Variants in WDR59 observed in about 807,000 individuals in gnomAD.
WDR59 encodes WD repeat domain 59.
WDR59 carries 100 observed loss-of-function variants against 131.2 expected under a neutral mutation model. That is an observed-to-expected ratio of 0.76 (90% CI 0.65 to 0.90). WDR59 has a LOEUF of 0.90. Ranked by LOEUF, WDR59 falls within the 40% of genes least tolerant of loss-of-function variation. WDR59 has a pLI of 0.00. For missense variants in WDR59, 1,203 were observed against 1,262.2 expected (o/e 0.95, Z 0.71); for synonymous variants, 601 against 466.2 (o/e 1.29, Z -3.72).
At chr16:74,908,685 T>C (rs1011680714) in intron 17 of WDR59, 9 of 411,106 alleles carry the variant, frequency 2.2e-5, no homozygotes, top group South Asian at 1.9e-4. Context: ...CAATAGCTTT[T>C]ATCAAGCTAC....
chr16:74,916,144 C>A lies in WDR59; in HGVS notation c.1082G>T (p.Ser361Ile). Residue 361 changes from serine to isoleucine, a missense_variant, in exon 12 of 26, where the codon AGC becomes ATC. Transcript: ENST00000262144. ...CAAATTACCTTCTTCCTCCCCATGG[C>A]TTGCAGTGTGCTGGTGATCTGTATC... ...TEDTDHQHTA[S>I]HGEEEALKED... 2 of 1,614,198 alleles carry A rather than the reference C, an allele frequency of 1.2e-6. No homozygotes were observed. The highest frequency in any genetic ancestry group is 2.2e-5 in the South Asian group (2 of 91,086).
chr16:74,906,320 A>AAAAAAAAAAAAAAAAAAAAC (rs765077670), intron 17 of WDR59, among the ~76,000 whole-genome samples: 22 of 136,354 alleles, frequency 1.6e-4, no homozygotes, highest in African/African-American at 5.2e-4. Context: ...TCTCAAAAAA[A>AAAAAAAAAAAAAAAAAAAAC]AAAAAACCCA....
chr16:74,925,371 C>A (rs1320507985), intron 8 of WDR59, among the ~76,000 whole-genome samples: 1 of 151,918 alleles, frequency 6.6e-6, no homozygotes, highest in Non-Finnish European at 1.5e-5. Flanking sequence ...TGGCGAAACC[C>A]CATCTCTACC....
chr16:74,936,344 A>T (rs1343146831), intron 8 of WDR59, among the ~76,000 whole-genome samples: 2 of 152,008 alleles, frequency 1.3e-5, no homozygotes, highest in Non-Finnish European at 2.9e-5. Flanking sequence ...TAAAGAAAAA[A>T]TATATAAAGT....
intron 17 of WDR59, among the ~76,000 whole-genome samples, chr16:74,908,489 T>G (rs1965927736): frequency 6.6e-6 from 1 of 152,222 alleles, no homozygotes; most frequent in Non-Finnish European, 1.5e-5. Flanking sequence ...GTTTTAAAAT[T>G]ACATATTGTT....
chr16:74,977,912 T>C (rs2034250937), intron 1 of WDR59, among the ~76,000 whole-genome samples: 1 of 152,046 alleles, frequency 6.6e-6, no homozygotes, highest in African/African-American at 2.4e-5. Context: ...AGCACTAGGC[T>C]AAGCAAAAGA....
chr16:74,927,683 AACAC>A (rs61511176), intron 8 of WDR59, among the ~76,000 whole-genome samples: 18 of 118,242 alleles, frequency 1.5e-4, no homozygotes, highest in South Asian at 1.2e-3. Flanking sequence ...CTCTTTAAAA[AACAC>A]ACACACACAC....
chr16:74,908,714 A>G (rs143440972), intron 17 of WDR59, 194 bp downstream of exon 17: 27 of 521,332 alleles, frequency 5.2e-5, no homozygotes, highest in African/African-American at 5.1e-4. Context: ...ATGGTTTGGT[A>G]ATAACCATAC....
At chr16:74,876,844 G>A (rs1445748937) in intron 25 of WDR59, among the ~76,000 whole-genome samples, 1 of 151,962 alleles carries the variant, frequency 6.6e-6, no homozygotes, top group Non-Finnish European at 1.5e-5. Flanking sequence ...ACCACTTCAG[G>A]GCATACAAAG....
At chr16:74,912,840 G>A (rs574317808) in intron 13 of WDR59, among the ~76,000 whole-genome samples, 2 of 152,352 alleles carry the variant, frequency 1.3e-5, no homozygotes, top group Admixed American at 1.3e-4. Context: ...ATGGGCTGTG[G>A]CTAGCTATCT....
At chr16:74,908,502 G>C (rs1965928544) in intron 17 of WDR59, among the ~76,000 whole-genome samples, 1 of 152,186 alleles carries the variant, frequency 6.6e-6, no homozygotes, top group Admixed American at 6.5e-5. Context: ...ATATTGTTTG[G>C]TAATATTAGA....
rs531587083 is a variant in WDR59, at chr16:74,875,879, C to T, written c.2690-1435G>A. On this transcript the variant is annotated intron_variant, in intron 25 of 25. Coordinates refer to ENST00000262144, the MANE Select transcript of WDR59 (RefSeq NM_030581.4). ...AGAAATGCATCTCACTTCATACACG[C>T]GATCACCAACGGACACAACACCTAG... 1.3e-4 allele frequency among the ~76,000 whole-genome samples: 20 copies of T among 152,288 alleles called. No homozygotes were observed. In the East Asian group the frequency reaches 2.9e-3, roughly 22 times the overall value.
Position 74,888,335 on chromosome 16 carries a change from G to C in WDR59, c.2196-16C>G. 1 of 1,608,380 alleles carries C rather than the reference G, an allele frequency of 6.2e-7. No individual in the cohort carries two copies. The highest frequency in any genetic ancestry group is 8.5e-7 in the Non-Finnish European group (1 of 1,177,364). ...GTGAGCCAACCTGAGGAAAAGATAA[G>C]AGGAAAGAAAACAAGTCAGGAGGAG... On this transcript the variant is annotated splice_polypyrimidine_tract_variant and intron_variant, in intron 21 of 25. Coordinates refer to ENST00000262144, the MANE Select transcript of WDR59 (RefSeq NM_030581.4).
intron 6 of WDR59, among the ~76,000 whole-genome samples, chr16:74,944,824 C>G (rs540549921): frequency 2.5e-4 from 38 of 152,234 alleles, no homozygotes; most frequent in African/African-American, 8.9e-4. Flanking sequence ...GCAATGAGAA[C>G]AGGCAGGCTA....
intron 15 of WDR59, 80 bp downstream of exon 15, chr16:74,909,742 G>C (rs1965991405): frequency 7.6e-6 from 12 of 1,569,314 alleles, no homozygotes; most frequent in Non-Finnish European, 1.0e-5. Flanking sequence ...GACAAAACCA[G>C]AAAACCCATG....
At chr16:74,938,000 C>T in intron 8 of WDR59, 150 bp downstream of exon 8, 1 of 530,734 alleles carries the variant, frequency 1.9e-6, no homozygotes, top group Non-Finnish European at 3.2e-6. Flanking sequence ...TCAGCATAAC[C>T]AAATTTATGT....
chr16:74,945,777 C>T (rs1304554337), intron 6 of WDR59, among the ~76,000 whole-genome samples: 1 of 151,106 alleles, frequency 6.6e-6, no homozygotes, highest in African/African-American at 2.4e-5. Flanking sequence ...TACAAGGAGA[C>T]GTTCTGAGAG....
In WDR59 at chr16:74,874,335, T is replaced by C. The variant is rs201212216; in HGVS notation, c.2799A>G (p.Gly933=). 9.9e-6 allele frequency: 16 copies of C among 1,614,088 alleles called. No homozygotes were observed. The East Asian group carries it at 3.3e-4, about 34-fold the overall frequency. Reference sequence around the variant, plus strand: ...CACAGGTCAGGCAGAAATTGGACGATCCCCGCACAGCCACGTGACAGATGG... The same window carrying C: ...CACAGGTCAGGCAGAAATTGGACGACCCCCGCACAGCCACGTGACAGATGG... ...QCAICHVAVR[G]SSNFCLTCGH... is the part of the protein sequence containing the mutation. The change falls in exon 26 of 26, where the codon GGA becomes GGG. Residue 933 remains glycine (G), a synonymous_variant. Transcript: ENST00000262144.
chr16:74,928,203 GGT>G (rs1491090364), intron 8 of WDR59, among the ~76,000 whole-genome samples: 4 of 86,954 alleles, frequency 4.6e-5, no homozygotes, highest in East Asian at 3.8e-4. Context: ...ACTGCATCCA[GGT>G]TTTTTTTTTT....
Sources: gnomAD v4.1 joint callset for allele counts (sites outside exome capture counted in the v4.1 genomes callset) on GRCh38, gnomAD v4.1.1 for gene constraint, MANE v1.5 for transcripts, NCBI Gene and HGNC (gene_info 2026-07-23, HGNC 2026-07-21) for gene names.